Variants in TRPM1 observed in about 807,000 individuals in gnomAD.
The protein encoded by TRPM1 is transient receptor potential cation channel subfamily M member 1.
A neutral mutation model predicts 149.4 loss-of-function variants in TRPM1; 113 were observed. The observed-to-expected ratio is 0.76, with a 90% CI of 0.65 to 0.88. TRPM1 has a LOEUF of 0.88. Ranked by LOEUF, TRPM1 falls within the 40% of genes least tolerant of loss-of-function variation. The pLI, the probability that TRPM1 is intolerant of heterozygous loss-of-function variation, is 0.00. For missense variants in TRPM1, 1,976 were observed against 2,038.7 expected (o/e 0.97, Z 0.59); for synonymous variants, 741 against 759.5 (o/e 0.98, Z 0.40).
intron 1 of TRPM1, among the ~76,000 whole-genome samples, chr15:31,086,608 C>G (rs1335504887): frequency 6.6e-6 from 1 of 152,176 alleles, no homozygotes; most frequent in Non-Finnish European, 1.5e-5. Context: ...CCAGCAGGGG[C>G]TCCAGGGTCT....
At chr15:31,083,095 C>G (rs1042050754) in intron 1 of TRPM1, among the ~76,000 whole-genome samples, 3 of 152,066 alleles carry the variant, frequency 2.0e-5, no homozygotes, top group African/African-American at 4.8e-5. Flanking sequence ...GGACATGGCT[C>G]GGGGAAGTGG....
intron 1 of TRPM1, among the ~76,000 whole-genome samples, chr15:31,117,283 C>T (rs1322946587): frequency 1.3e-5 from 2 of 151,986 alleles, no homozygotes; most frequent in African/African-American, 2.4e-5. Context: ...GTCAGGAGTT[C>T]GAGACCAGCC....
Position 31,028,445 on chromosome 15 carries a change from C to T in TRPM1, c.3180G>A (p.Glu1060=). The T allele has an allele frequency of 1.9e-6, 3 of 1,614,026 alleles. No individual in the cohort carries two copies. The highest frequency in any genetic ancestry group is 2.7e-5 in the African/African-American group (2 of 74,988). The change falls in exon 25 of 28, where the codon GAG becomes GAA. Residue 1060 remains glutamate, a synonymous_variant. Transcript: ENST00000256552. ...GGATACAGGGAGGAAGCCGCTTGCC[C>T]TCCTCATCATATAGGTTCTCACCAC... ...PPCGENLYDE[E]GKRLPPCIPG... is the part of the protein sequence containing the mutation.
At chr15:31,016,401 C>T (rs2032355700) in intron 27 of TRPM1, among the ~76,000 whole-genome samples, 1 of 152,152 alleles carries the variant, frequency 6.6e-6, no homozygotes, top group Admixed American at 6.5e-5. Context: ...TGATTATCTT[C>T]CTTTCCCTCT....
intron 2 of TRPM1, among the ~76,000 whole-genome samples, chr15:31,077,443 T>C (rs1005092772): frequency 1.3e-4 from 14 of 105,064 alleles, no homozygotes; most frequent in African/African-American, 5.1e-4. Context: ...CATGGCCTCT[T>C]GTTCTGTCAC....
At chr15:31,125,380 C>G (rs1458705778) in intron 1 of TRPM1, among the ~76,000 whole-genome samples, 3 of 152,140 alleles carry the variant, frequency 2.0e-5, no homozygotes, top group Admixed American at 2.0e-4. Flanking sequence ...CTCTGTACTA[C>G]ATGCTCAATT....
intron 1 of TRPM1, among the ~76,000 whole-genome samples, chr15:31,113,603 A>C (rs2338857): frequency 3.2e-4 from 48 of 152,306 alleles, no homozygotes; most frequent in African/African-American, 1.1e-3. Context: ...TTGTTACACA[A>C]GTAAACTTGT....
intron 27 of TRPM1, among the ~76,000 whole-genome samples, chr15:31,020,399 T>C (rs969961833): frequency 4.6e-5 from 7 of 152,258 alleles, no homozygotes; most frequent in African/African-American, 1.7e-4. Flanking sequence ...GCGCATGGCC[T>C]CCTTCAGCAT....
upstream of TRPM1, among the ~76,000 whole-genome samples, chr15:31,106,263 C>T (rs1470158765): frequency 6.6e-6 from 1 of 151,792 alleles, no homozygotes; most frequent in Non-Finnish European, 1.5e-5. Flanking sequence ...CTTAGCCTTG[C>T]AAATAGCTGG....
At chr15:31,009,498 T>C (rs1047598917) in intron 27 of TRPM1, among the ~76,000 whole-genome samples, 1 of 152,208 alleles carries the variant, frequency 6.6e-6, no homozygotes, top group Non-Finnish European at 1.5e-5. Context: ...CCTCTGTCTT[T>C]AGTTTGTGGC....
At chr15:31,006,166 ATTTCT>A (rs779389351) in intron 27 of TRPM1, among the ~76,000 whole-genome samples, 17 of 151,734 alleles carry the variant, frequency 1.1e-4, no homozygotes, top group South Asian at 1.0e-3. Context: ...TCTCTTAAAG[ATTTCT>A]TTTCTTTTCT....
intron 1 of TRPM1, among the ~76,000 whole-genome samples, chr15:31,096,609 T>C (rs1038843628): frequency 6.6e-6 from 1 of 152,194 alleles, no homozygotes; most frequent in African/African-American, 2.4e-5. Flanking sequence ...CCTGAGTGCC[T>C]GGTCTGGGTT....
chr15:31,016,691 G>C (rs1461830197), intron 27 of TRPM1, among the ~76,000 whole-genome samples: 2 of 152,118 alleles, frequency 1.3e-5, no homozygotes, highest in East Asian at 3.8e-4. Context: ...TCTATAAACT[G>C]TCTGGGCCCC....
At chr15:31,103,565 C>A (rs1012051624), upstream of TRPM1, among the ~76,000 whole-genome samples, 1 of 152,158 alleles carries the variant, frequency 6.6e-6, no homozygotes, top group Non-Finnish European at 1.5e-5. Context: ...GCAATTCCAG[C>A]ACTTTGGGAG....
chr15:31,102,657 C>T (rs999114147), upstream of TRPM1, among the ~76,000 whole-genome samples: 11 of 152,214 alleles, frequency 7.2e-5, no homozygotes, highest in East Asian at 3.9e-4. Flanking sequence ...CTCACTCCCC[C>T]ACCCAATGCC....
intron 27 of TRPM1, 57 bp downstream of exon 27, chr15:31,026,082 G>A: frequency 6.2e-7 from 1 of 1,603,478 alleles, no homozygotes; most frequent in Non-Finnish European, 8.5e-7. Context: ...ATAGAGTGGG[G>A]CGCCCGAGTC....
chr15:31,125,165 G>A (rs899987150), intron 1 of TRPM1, among the ~76,000 whole-genome samples: 2 of 148,846 alleles, frequency 1.3e-5, no homozygotes, highest in Non-Finnish European at 3.0e-5. Flanking sequence ...GTGACAGAGC[G>A]AGACTGTGTC....
At chr15:31,072,050 G>GAGAGAT (rs1451626875) in intron 3 of TRPM1, among the ~76,000 whole-genome samples, 1 of 128,464 alleles carries the variant, frequency 7.8e-6, no homozygotes, top group Non-Finnish European at 1.6e-5. Context: ...GAGAGAGAGA[G>GAGAGAT]ATTAAATGGT....
At chr15:31,143,394 T>G (rs2036183466) in intron 1 of TRPM1, among the ~76,000 whole-genome samples, 1 of 152,040 alleles carries the variant, frequency 6.6e-6, no homozygotes. Flanking sequence ...CAGTTTTGTT[T>G]TGTTGTGTTT....
Sources: gnomAD v4.1 joint callset for allele counts (sites outside exome capture counted in the v4.1 genomes callset) on GRCh38, gnomAD v4.1.1 for gene constraint, MANE v1.5 for transcripts, NCBI Gene and HGNC (gene_info 2026-07-23, HGNC 2026-07-21) for gene names.